Variants in SPECC1 observed in about 807,000 individuals in gnomAD.
The protein encoded by SPECC1 is cytospin-B.
Under a neutral mutation model 104.1 loss-of-function variants are expected in SPECC1, and 62 were observed. The ratio of observed to expected loss-of-function variants is 0.60; its 90% CI spans 0.49 to 0.74. The LOEUF (loss-of-function observed/expected upper bound fraction) is 0.74. Ranked by LOEUF, SPECC1 falls within the 30% of genes least tolerant of loss-of-function variation. The pLI, the probability that SPECC1 is intolerant of heterozygous loss-of-function variation, is 0.00. For missense variants in SPECC1, 1,306 were observed against 1,310.5 expected, an observed-to-expected ratio of 1.00 and a Z score of 0.05; for synonymous variants, 513 against 501.6, an observed-to-expected ratio of 1.02 and a Z score of -0.30.
Position 20,074,803 on chromosome 17 carries a change from G to T in SPECC1, c.-21-21828G>T, listed in dbSNP as rs115868262. Among the ~76,000 whole-genome samples, 1,471 of 152,274 alleles carry T rather than the reference G, an allele frequency of 9.7e-3. 21 individuals carry two copies. The highest frequency in any genetic ancestry group is 0.034 in the African/African-American group (1,393 of 41,548). On this transcript the variant is annotated intron_variant, in intron 1 of 14. Transcript: ENST00000395527. ...AGGAGCCCCCAAGGCAGGAGAGGGG[G>T]TGCAAAATAAGCAATACTAAACTTT...
At chr17:20,081,555 A>T (rs2046974239) in intron 1 of SPECC1, among the ~76,000 whole-genome samples, 1 of 152,004 alleles carries the variant, frequency 6.6e-6, no homozygotes, top group Non-Finnish European at 1.5e-5. Flanking sequence ...GAGTGATGGG[A>T]TCTGACCTAC....
rs553505808 is a variant in SPECC1, at chr17:20,237,214, G to A, written c.2351+4809G>A. 3.2e-4 allele frequency: 406 copies of A among 1,265,018 alleles called. 3 individuals carry two copies. In the South Asian group the frequency reaches 7.1e-3, roughly 22 times the overall value. 78.4% of individuals were successfully genotyped at this position (1,265,018 alleles called of 1,614,324 possible). A position where few individuals can be genotyped will look rare whatever the true frequency, so the allele number is the denominator to read the frequency against. On this transcript the variant is annotated intron_variant, in intron 7 of 14. Transcript: ENST00000395527. ...TTATGAAAAGTTATTTGCAGCTGGA[G>A]TGCTGAAAAGGGCACAGTGGCAGAG...
At chr17:20,148,430 G>A (rs2031667625) in intron 3 of SPECC1, among the ~76,000 whole-genome samples, 1 of 151,260 alleles carries the variant, frequency 6.6e-6, no homozygotes, top group African/African-American at 2.4e-5. Context: ...CTAGAGATAG[G>A]GTCTTGTGCT....
intron 1 of SPECC1, among the ~76,000 whole-genome samples, chr17:20,078,025 G>C (rs1415720384): frequency 1.3e-5 from 2 of 151,830 alleles, no homozygotes; most frequent in African/African-American, 2.4e-5. Flanking sequence ...GATGTGTAGA[G>C]AAAGTATTTG....
intron 12 of SPECC1, among the ~76,000 whole-genome samples, chr17:20,274,198 T>C (rs1376219400): frequency 6.6e-6 from 1 of 152,236 alleles, no homozygotes; most frequent in African/African-American, 2.4e-5. Context: ...TCATCTCTCT[T>C]GAACTAACTG....
intron 1 of SPECC1, among the ~76,000 whole-genome samples, chr17:20,042,261 G>A (rs2152454524): frequency 6.6e-6 from 1 of 152,282 alleles, no homozygotes; most frequent in Admixed American, 6.5e-5. Context: ...GTGGTTGTGG[G>A]TATTCTGGTT....
At chr17:20,300,384 A>T (rs1343358899) in intron 13 of SPECC1, among the ~76,000 whole-genome samples, 2 of 152,136 alleles carry the variant, frequency 1.3e-5, no homozygotes, top group African/African-American at 4.8e-5. Context: ...TTCTGATACG[A>T]TGTTGGAGAG....
intron 1 of SPECC1, among the ~76,000 whole-genome samples, chr17:20,082,315 G>T (rs1426710457): frequency 6.6e-6 from 1 of 152,140 alleles, no homozygotes; most frequent in Admixed American, 6.5e-5. Flanking sequence ...TTTTCTCACA[G>T]TACTGGAAGC....
At chr17:20,053,938 C>A (rs1237116003) in intron 1 of SPECC1, among the ~76,000 whole-genome samples, 1 of 152,230 alleles carries the variant, frequency 6.6e-6, no homozygotes, top group Non-Finnish European at 1.5e-5. Context: ...ACACGGCAAA[C>A]CTTCCGTATT....
At chr17:20,172,787 G>T (rs1448391636) in intron 3 of SPECC1, among the ~76,000 whole-genome samples, 1 of 152,212 alleles carries the variant, frequency 6.6e-6, no homozygotes, top group Admixed American at 6.5e-5. Flanking sequence ...TCAGATCTGA[G>T]TGTTTTGAAA....
chr17:20,115,655 C>T (rs2048719451), intron 3 of SPECC1, among the ~76,000 whole-genome samples: 1 of 151,936 alleles, frequency 6.6e-6, no homozygotes, highest in African/African-American at 2.4e-5. Context: ...TATTAACAGG[C>T]CAAAGAAGAA....
Position 20,205,761 on chromosome 17 carries a change from T to C in SPECC1, c.1712T>C (p.Val571Ala), listed in dbSNP as rs1311299918. ...CAGAAAGCCACAGAGGCCAGTGCTG[T>C]GGAGCAGACGGCAGAGAGCTGCGAA... ...EKQKATEASA[V>A]EQTAESCEVQ... Residue 571 changes from valine (V) to alanine (A), a missense_variant, in exon 4 of 15, where the codon GTG (valine) becomes GCG (alanine). Physicochemically the swap from Val to Ala is moderately conservative, Grantham distance 64 (BLOSUM62 0). Coordinates refer to ENST00000395527, the MANE Select transcript of SPECC1 (RefSeq NM_001243439.2). 6.2e-7 allele frequency: 1 copy of C among 1,614,058 alleles called. No individual in the cohort carries two copies. Among genetic ancestry groups the C allele is most frequent in the African/African-American group, 1.3e-5 (1 of 74,934 alleles).
chr17:20,282,262 G>A (rs1167254890), intron 12 of SPECC1, among the ~76,000 whole-genome samples: 1 of 152,226 alleles, frequency 6.6e-6, no homozygotes, highest in Non-Finnish European at 1.5e-5. Context: ...GAGGGACTGT[G>A]CAGCATCTGC....
rs978439606 is a variant in SPECC1 at position 20,279,301 on chromosome 17, TTTTC to T, written c.2941-17652_2941-17649del. On this transcript the variant is annotated intron_variant, in intron 12 of 14. Transcript: ENST00000395527. ...GAAGGTTAACGGAGTTGAAGGTTAC[TTTTC>T]TTTCTTTTTTTTTTTTTCTTTTTTT... Among the ~76,000 whole-genome samples the T allele has an allele frequency of 2.6e-4, 40 of 151,568 alleles. No individual in the cohort carries two copies. In the South Asian group the frequency reaches 3.1e-3, roughly 12 times the overall value.
rs143912595 is a variant in SPECC1 at position 20,301,896 on chromosome 17, G to C, written c.3058-4127G>C. Among the ~76,000 whole-genome samples the C allele has an allele frequency of 3.6e-3, 552 of 152,236 alleles. 4 individuals are homozygous for C. The highest frequency in any genetic ancestry group is 0.01 in the Middle Eastern group (3 of 294). ...AGTTTTTATATTTTTAGTAGAGATG[G>C]GGTTTCATCATGTTGGTCAGGCTGG... On this transcript the variant is annotated intron_variant, in intron 13 of 14. Coordinates refer to ENST00000395527, the MANE Select transcript of SPECC1 (RefSeq NM_001243439.2).
chr17:20,238,354 T>C, intron 7 of SPECC1: 1 of 1,040,500 alleles, frequency 9.6e-7, no homozygotes, highest in Non-Finnish European at 1.2e-6. Flanking sequence ...TGGAAATATG[T>C]GTGTTTGTGA....
At chr17:20,167,039 C>G (rs1028099169) in intron 3 of SPECC1, among the ~76,000 whole-genome samples, 1 of 151,238 alleles carries the variant, frequency 6.6e-6, no homozygotes, top group East Asian at 1.9e-4. Context: ...AGAGTATGTT[C>G]TTTGTTAAAC....
At chr17:20,231,943 G>A in intron 6 of SPECC1, 112 bp downstream of exon 6, 2 of 1,168,270 alleles carry the variant, frequency 1.7e-6, no homozygotes, top group Non-Finnish European at 2.5e-6. Context: ...CGGCATGGTG[G>A]GCCCTGGAAC....
chr17:20,082,130 G>A (rs1017756916), intron 1 of SPECC1, among the ~76,000 whole-genome samples: 3 of 152,180 alleles, frequency 2.0e-5, no homozygotes, highest in African/African-American at 7.2e-5. Flanking sequence ...GCGCGCTGTG[G>A]CCAAACAGCA....
Sources: allele counts gnomAD v4.1 joint callset (sites outside exome capture counted in the v4.1 genomes callset), GRCh38; gene constraint gnomAD v4.1.1; transcripts MANE v1.5; gene names NCBI Gene and HGNC (gene_info 2026-07-23, HGNC 2026-07-21).